Variants in FBXO43 observed in about 807,000 individuals in gnomAD.
FBXO43 encodes F-box only protein 43.
Under a neutral mutation model 56.7 loss-of-function variants are expected in FBXO43, and 22 were observed. The ratio of observed to expected loss-of-function variants is 0.39; its 90% confidence interval spans 0.28 to 0.55. The LOEUF (loss-of-function observed/expected upper bound fraction) is 0.55, where lower values mean the gene tolerates loss of function less well. FBXO43 is among the 20% of genes least tolerant of loss of function. The pLI, the probability that FBXO43 is intolerant of heterozygous loss-of-function variation, is 0.66. For missense variants in FBXO43, 733 were observed against 814.9 expected, an observed-to-expected ratio of 0.90 and a Z score of 1.22; for synonymous variants, 306 against 294.5, an observed-to-expected ratio of 1.04 and a Z score of -0.40.
rs777095256 is a variant in FBXO43, at chr8:100,134,216, G to A, written c.1823C>T (p.Pro608Leu). The change falls in exon 4 of 5, where the codon CCT becomes CTT. Residue 608 changes from proline (P) to leucine (L), a missense_variant. Pro to Leu is a moderately conservative substitution (Grantham distance 98). Coordinates refer to ENST00000428847, the MANE Select transcript of FBXO43 (RefSeq NM_001029860.4). ...GTGAGTAACAGAAGAGCTTGCTAGA[G>A]GTGTCAAAACTTCTCCCCAGGGAGA... ...TLSPWGEVLT[P>L]LASSSVTHLS... is the part of the protein sequence containing the mutation. 4 of 1,613,960 alleles carry A rather than the reference G, an allele frequency of 2.5e-6. No individual in the cohort carries two copies. The highest frequency in any genetic ancestry group is 2.7e-5 in the African/African-American group (2 of 74,876).
rs913828124 is a variant in FBXO43, at chr8:100,145,215, A to G, written c.-80T>C. On this transcript the variant is annotated 5_prime_UTR_variant, in exon 1 of 5. Coordinates refer to ENST00000428847, the MANE Select transcript of FBXO43 (RefSeq NM_001029860.4). ...GGTGCAGCAGCATCATGATTGCTCAAAGTCGAAGGGTACACAGGGTGCATG... is the reference window on the plus strand; with the variant it reads ...GGTGCAGCAGCATCATGATTGCTCAGAGTCGAAGGGTACACAGGGTGCATG... The G allele has an allele frequency of 3.9e-5, 47 of 1,213,164 alleles. No homozygotes were observed. Among genetic ancestry groups the G allele is most frequent in the Non-Finnish European group, 5.0e-5 (43 of 856,190 alleles). The allele number at this position is 1,213,164 out of a possible 1,614,324, so 75.1% of individuals were successfully genotyped here.
Position 100,140,751 on chromosome 8 carries a change from T to A in FBXO43, c.1503A>T (p.Leu501Phe). ...GIEKLDILTE[L>F]KYRNLKHILA... ...GAATATGCTTTAAATTTCTATATTTTAATTCTGTTAAGATGTCCAGTTTTT... is the reference window on the plus strand; with the variant it reads ...GAATATGCTTTAAATTTCTATATTTAAATTCTGTTAAGATGTCCAGTTTTT... The change falls in exon 2 of 5, where the codon TTA becomes TTT. Residue 501 changes from leucine to phenylalanine, a missense_variant. Leu to Phe is a conservative substitution (Grantham distance 22). Transcript: ENST00000428847. 1 of 1,613,690 alleles carries A rather than the reference T, an allele frequency of 6.2e-7. No individual in the cohort carries two copies. The highest frequency in any genetic ancestry group is 8.5e-7 in the Non-Finnish European group (1 of 1,179,738).
chr8:100,140,772 TTTTTCTATACCCA>T lies in FBXO43; in HGVS notation c.1469_1481del (p.Met490AsnfsTer5), dbSNP rs1485107239. 1 of 1,614,022 alleles carries T rather than the reference TTTTTCTATACCCA, an allele frequency of 6.2e-7. No homozygotes were observed. The highest frequency in any genetic ancestry group is 1.7e-5 in the Admixed American group (1 of 59,998). Reference sequence around the variant, plus strand: ...ATTTTAATTCTGTTAAGATGTCCAGTTTTTCTATACCCATTTTCTTGCCGATCAGTCCTGCAAG... The same window carrying T: ...ATTTTAATTCTGTTAAGATGTCCAGTTTTTCTTGCCGATCAGTCCTGCAAG... On this transcript the variant is annotated frameshift_variant, in exon 2 of 5. Coordinates refer to ENST00000428847, the MANE Select transcript of FBXO43 (RefSeq NM_001029860.4). LOFTEE classifies it high-confidence loss of function.
At chr8:100,146,562 A>G (rs2132151495), upstream of FBXO43, among the ~76,000 whole-genome samples, 1 of 152,252 alleles carries the variant, frequency 6.6e-6, no homozygotes, top group South Asian at 2.1e-4. Context: ...TTAAACCCTA[A>G]TTTTTTCATT....
In FBXO43 at chr8:100,140,781, A is replaced by G; in HGVS notation, c.1473T>C (p.Gly491=). ...CTGTTAAGATGTCCAGTTTTTCTAT[A>G]CCCATTTTCTTGCCGATCAGTCCTG... The part of the protein sequence containing the change: ...ILAGLIGKKM[G]IEKLDILTEL... Residue 491 remains glycine (G), a synonymous_variant, in exon 2 of 5, where the codon GGT becomes GGC. Coordinates refer to ENST00000428847, the MANE Select transcript of FBXO43 (RefSeq NM_001029860.4). 1 of 1,613,958 alleles carries G rather than the reference A, an allele frequency of 6.2e-7. No individual in the cohort carries two copies.
upstream of FBXO43, among the ~76,000 whole-genome samples, chr8:100,147,839 A>G (rs1462444977): frequency 6.6e-6 from 1 of 152,228 alleles, no homozygotes; most frequent in Non-Finnish European, 1.5e-5. Flanking sequence ...AGGTACCTGT[A>G]GGACTGTAAA....
upstream of FBXO43, among the ~76,000 whole-genome samples, chr8:100,149,553 G>C (rs1814883631): frequency 6.6e-6 from 1 of 152,186 alleles, no homozygotes; most frequent in African/African-American, 2.4e-5. Flanking sequence ...GAAGAAAGAA[G>C]CCAGGAACTG....
intron 1 of FBXO43, among the ~76,000 whole-genome samples, chr8:100,143,798 G>C (rs1170717112): frequency 6.6e-6 from 1 of 152,106 alleles, no homozygotes. Context: ...ATGAGACGGA[G>C]TCTCGCTTTT....
chr8:100,134,443 T>C (rs1814407299), intron 3 of FBXO43, 79 bp from the exon 4 acceptor site: 10 of 1,251,846 alleles, frequency 8.0e-6, no homozygotes, highest in South Asian at 6.4e-5. Context: ...CACGGATTTA[T>C]ATGCTTTGAA....
Position 100,141,504 on chromosome 8 carries a change from T to G in FBXO43, c.750A>C (p.Ile250=). ...TAAAATTATTGCCCTGAATTGGAGATATACATTCAACTTCAAATAGGCTAC... is the reference window on the plus strand; with the variant it reads ...TAAAATTATTGCCCTGAATTGGAGAGATACATTCAACTTCAAATAGGCTAC... ...DDCSLFEVEC[I]SPIQGNNFKD... Residue 250 remains isoleucine (I), a synonymous_variant, in exon 2 of 5, where the codon ATA becomes ATC. Transcript: ENST00000428847. 6.2e-7 allele frequency: 1 copy of G among 1,612,708 alleles called. No homozygotes were observed. The highest frequency in any genetic ancestry group is 8.5e-7 in the Non-Finnish European group (1 of 1,179,986).
At chr8:100,149,868 TA>T (rs1287632411), upstream of FBXO43, among the ~76,000 whole-genome samples, 1 of 152,192 alleles carries the variant, frequency 6.6e-6, no homozygotes, top group Non-Finnish European at 1.5e-5. Context: ...CCCTACTAAG[TA>T]AAATATCTTC....
At position 100,142,015 on chromosome 8, in the gene FBXO43, T is replaced by A; in HGVS notation, c.239A>T (p.Glu80Val). The A allele has an allele frequency of 6.2e-7, 1 of 1,613,632 alleles. No homozygotes were observed. Among genetic ancestry groups the A allele is most frequent in the East Asian group, 2.2e-5 (1 of 44,874 alleles). ...ATTATCAAAGCTACAAGATTTTAACTCATTGTAGCCACTATCTTGAAATGA... is the reference window on the plus strand; with the variant it reads ...ATTATCAAAGCTACAAGATTTTAACACATTGTAGCCACTATCTTGAAATGA... ...TSSFQDSGYNELKSCSFDNID... is the reference protein window; with the variant it reads ...TSSFQDSGYNVLKSCSFDNID... Residue 80 changes from glutamate (E) to valine (V), a missense_variant, in exon 2 of 5, where the codon GAG becomes GTG. Glu to Val is a moderately radical substitution (Grantham distance 121). Coordinates refer to ENST00000428847, the MANE Select transcript of FBXO43 (RefSeq NM_001029860.4).
upstream of FBXO43, among the ~76,000 whole-genome samples, chr8:100,149,361 G>C (rs564157354): frequency 5.3e-5 from 8 of 152,324 alleles, no homozygotes; most frequent in African/African-American, 1.4e-4. Context: ...TTGTAAATAT[G>C]AAAGTTTGAC....
intron 3 of FBXO43, among the ~76,000 whole-genome samples, chr8:100,135,661 G>A (rs1436413962): frequency 6.6e-6 from 1 of 151,938 alleles, no homozygotes; most frequent in African/African-American, 2.4e-5. Flanking sequence ...CTGGAGTGCA[G>A]TGGCATGATC....
At chr8:100,137,805 T>C (rs1814520586) in intron 2 of FBXO43, 138 bp from the exon 3 acceptor site, 1 of 636,578 alleles carries the variant, frequency 1.6e-6, no homozygotes, top group Non-Finnish European at 2.8e-6. Context: ...CATAAAAATG[T>C]GACTTGGTCA....
chr8:100,143,671 A>G (rs1336815723), intron 1 of FBXO43, among the ~76,000 whole-genome samples: 1 of 152,256 alleles, frequency 6.6e-6, no homozygotes, highest in Non-Finnish European at 1.5e-5. Context: ...TATTAAAATT[A>G]CATCTCCACC....
At chr8:100,144,829 G>A (rs1294054274) in intron 1 of FBXO43, among the ~76,000 whole-genome samples, 2 of 151,560 alleles carry the variant, frequency 1.3e-5, no homozygotes. Context: ...CTACTCGGGA[G>A]GCTGAGGCAG....
upstream of FBXO43, chr8:100,145,878 C>T (rs567421101): frequency 6.5e-6 from 1 of 153,086 alleles, no homozygotes; most frequent in Admixed American, 6.5e-5. Context: ...CTGTCCCGCC[C>T]CTTCCTCCGG....
At chr8:100,135,128 T>C (rs1464753640) in intron 3 of FBXO43, among the ~76,000 whole-genome samples, 2 of 152,182 alleles carry the variant, frequency 1.3e-5, no homozygotes, top group African/African-American at 2.4e-5. Flanking sequence ...CAACATACTA[T>C]AGCTGTGAAA....
Sources: gnomAD v4.1 joint callset for allele counts (sites outside exome capture counted in the v4.1 genomes callset) on GRCh38, gnomAD v4.1.1 for gene constraint, MANE v1.5 for transcripts, NCBI Gene and HGNC (gene_info 2026-07-23, HGNC 2026-07-21) for gene names.